EIF2AK4: variants seen among roughly 807,000 people sequenced by gnomAD.
EIF2AK4 encodes eukaryotic translation initiation factor 2 alpha kinase 4.
Under a neutral mutation model 211.1 loss-of-function variants are expected in EIF2AK4, and 139 were observed. The ratio of observed to expected loss-of-function variants is 0.66; its 90% confidence interval spans 0.57 to 0.76. The LOEUF (loss-of-function observed/expected upper bound fraction) is 0.76, where lower values mean the gene tolerates loss of function less well. EIF2AK4 is among the 30% of genes least tolerant of loss of function. The probability of loss-of-function intolerance (pLI) is 0.00; values close to 1 mark genes in which losing one functional copy is unlikely to be tolerated. For synonymous variants in EIF2AK4, 710 were observed against 751.3 expected (o/e 0.94, Z 0.90); for missense variants, 1,664 against 2,043.8 (o/e 0.81, Z 3.58).
intron 7 of EIF2AK4, among the ~76,000 whole-genome samples, chr15:39,965,224 C>T (rs1485497559): frequency 1.3e-5 from 2 of 152,114 alleles, no homozygotes; most frequent in Admixed American, 1.3e-4. Flanking sequence ...CAGGTTCAAG[C>T]GATTCTCCTG....
chr15:39,937,429 T>A (rs2034081700), intron 1 of EIF2AK4, among the ~76,000 whole-genome samples: 1 of 152,212 alleles, frequency 6.6e-6, no homozygotes. Context: ...TTTTCTACTC[T>A]GTGGTCCATT....
intron 16 of EIF2AK4, 97 bp from the exon 17 acceptor site, chr15:39,992,078 T>C: frequency 8.9e-7 from 1 of 1,125,620 alleles, no homozygotes. Context: ...TTGATTTCCA[T>C]GTAATATTTC....
intron 24 of EIF2AK4, among the ~76,000 whole-genome samples, chr15:40,007,438 C>T (rs1321242867): frequency 6.6e-6 from 1 of 152,146 alleles, no homozygotes; most frequent in Non-Finnish European, 1.5e-5. Context: ...CCAGTGGTCT[C>T]TATGTGAAAA....
intron 33 of EIF2AK4, 53 bp from the exon 34 acceptor site, chr15:40,029,353 T>G: frequency 6.2e-7 from 1 of 1,603,668 alleles, no homozygotes; most frequent in Non-Finnish European, 8.5e-7. Flanking sequence ...AAGTTATGTG[T>G]TGCTTGTGCC....
chr15:39,969,356 C>CTTTTTTTTTTTTTTTTTT (rs10550245), intron 9 of EIF2AK4, among the ~76,000 whole-genome samples: 2 of 101,306 alleles, frequency 2.0e-5, no homozygotes, highest in Non-Finnish European at 3.8e-5. Flanking sequence ...ATTTCTTATT[C>CTTTTTTTTTTTTTTTTTT]TTTTTTTTTT....
chr15:39,982,186 A>C (rs955993012), intron 13 of EIF2AK4, among the ~76,000 whole-genome samples: 6 of 152,176 alleles, frequency 3.9e-5, no homozygotes, highest in Non-Finnish European at 8.8e-5. Context: ...GGCCTCCCAA[A>C]GTGCTGGGAT....
At chr15:39,984,753 T>A (rs2034841321) in intron 13 of EIF2AK4, among the ~76,000 whole-genome samples, 1 of 152,234 alleles carries the variant, frequency 6.6e-6, no homozygotes. Flanking sequence ...AGTTTGGGGC[T>A]GAGACAATGG....
intron 23 of EIF2AK4, among the ~76,000 whole-genome samples, chr15:40,006,298 C>T (rs965718469): frequency 2.6e-5 from 4 of 151,666 alleles, no homozygotes; most frequent in African/African-American, 9.7e-5. Context: ...TCAGATGAGA[C>T]ATTTGCGTTT....
rs1160435266 is a variant in EIF2AK4 at position 39,937,230 on chromosome 15, A to G, written c.145-2275A>G. ...ACTTGCTTCAATCCCTGGATCCCCC[A>G]GTAGTGTATGGTGGTGTTTGTTTTC... On this transcript the variant is annotated intron_variant, in intron 1 of 38. Coordinates refer to ENST00000263791, the MANE Select transcript of EIF2AK4 (RefSeq NM_001013703.4). Among the ~76,000 whole-genome samples, 9 of 152,340 alleles carry G rather than the reference A, an allele frequency of 5.9e-5. No individual in the cohort carries two copies. In the South Asian group the frequency reaches 1.9e-3, roughly 32 times the overall value.
At chr15:40,002,992 G>T (rs550602903) in intron 22 of EIF2AK4, among the ~76,000 whole-genome samples, 4 of 152,240 alleles carry the variant, frequency 2.6e-5, no homozygotes, top group Admixed American at 2.6e-4. Flanking sequence ...ATTGGTTTGT[G>T]GAGTCAGAAA....
Position 39,967,573 on chromosome 15 carries a change from T to C in EIF2AK4, c.1247T>C (p.Leu416Pro), listed in dbSNP as rs1371078264. The change falls in exon 9 of 39, where the codon CTG becomes CCG. Residue 416 changes from leucine to proline, a missense_variant. Physicochemically the swap from Leu to Pro is moderately conservative, Grantham distance 98. Coordinates refer to ENST00000263791, the MANE Select transcript of EIF2AK4 (RefSeq NM_001013703.4). The stretch of plus-strand genomic sequence containing the variant: ...CAGCTCCTGTCAGGCCTTGATTATC[T>C]GCACAGCAATTCTGTGGTGCATAAG... ...TAQLLSGLDY[L>P]HSNSVVHKVL... is the part of the protein sequence containing the mutation. 2 of 1,613,920 alleles carry C rather than the reference T, an allele frequency of 1.2e-6. No homozygotes were observed. The highest frequency in any genetic ancestry group is 1.7e-6 in the Non-Finnish European group (2 of 1,179,874).
intron 1 of EIF2AK4, 51 bp downstream of exon 1, chr15:39,934,390 G>A: frequency 3.9e-6 from 6 of 1,553,922 alleles, no homozygotes; most frequent in Non-Finnish European, 2.6e-6. Context: ...GCCTCCCCGG[G>A]CCCTGGGCCA....
chr15:39,987,589 A>G (rs1339727572), intron 14 of EIF2AK4, among the ~76,000 whole-genome samples: 1 of 152,188 alleles, frequency 6.6e-6, no homozygotes, highest in African/African-American at 2.4e-5. Flanking sequence ...TTTGTGTTTA[A>G]TGTAAGAAAA....
intron 11 of EIF2AK4, 105 bp from the exon 12 acceptor site, chr15:39,976,309 A>G (rs901360597): frequency 1.3e-5 from 16 of 1,199,208 alleles, no homozygotes; most frequent in Non-Finnish European, 1.6e-5. Context: ...TAGCTGTGGG[A>G]CTCATTTAGA....
chr15:40,012,971 A>G (rs1217242491), intron 27 of EIF2AK4, among the ~76,000 whole-genome samples: 1 of 152,124 alleles, frequency 6.6e-6, no homozygotes, highest in Non-Finnish European at 1.5e-5. Flanking sequence ...CTGAGGCCCA[A>G]AGAGATGTTG....
chr15:39,993,573 C>T (rs1297629531), intron 18 of EIF2AK4, among the ~76,000 whole-genome samples: 1 of 152,100 alleles, frequency 6.6e-6, no homozygotes, highest in Non-Finnish European at 1.5e-5. Context: ...AAGAGAAAGC[C>T]CTGAGTGAGA....
chr15:39,975,235 C>CTT (rs1200253126), intron 11 of EIF2AK4: 3 of 54,918 alleles, frequency 5.5e-5, no homozygotes. Flanking sequence ...AGGTTATGTC[C>CTT]TTTGCCTGAG....
At chr15:40,002,432 A>G (rs2035105702) in intron 21 of EIF2AK4, 2 of 362,808 alleles carry the variant, frequency 5.5e-6, no homozygotes, top group Non-Finnish European at 1.0e-5. Flanking sequence ...TTATTTGATT[A>G]TCTCCCTCTG....
chr15:40,005,861 G>A (rs1172778658), intron 23 of EIF2AK4, among the ~76,000 whole-genome samples: 9 of 151,858 alleles, frequency 5.9e-5, no homozygotes, highest in East Asian at 3.9e-4. Flanking sequence ...GTGAGCCACC[G>A]CACCCGGCCT....
Sources: allele counts gnomAD v4.1 joint callset (sites outside exome capture counted in the v4.1 genomes callset), GRCh38; gene constraint gnomAD v4.1.1; transcripts MANE v1.5; gene names NCBI Gene and HGNC (gene_info 2026-07-23, HGNC 2026-07-21).